Variants in TRUB1 observed in about 807,000 individuals in gnomAD.
TRUB1 encodes TruB pseudouridine synthase family member 1.
In TRUB1, 23 loss-of-function variants were observed where a neutral mutation model predicts 33.9. That is an observed-to-expected ratio of 0.68 (90% CI 0.49 to 0.96). TRUB1 has a LOEUF of 0.96. Among genes scored for constraint, TRUB1 ranks in the 40% least tolerant of loss-of-function variants. TRUB1 has a pLI of 0.00. For synonymous variants in TRUB1, 163 were observed against 165.4 expected (o/e 0.99, Z 0.11); for missense variants, 378 against 422.2 (o/e 0.90, Z 0.92).
chr10:114,940,209 C>G (rs990416470), intron 1 of TRUB1, among the ~76,000 whole-genome samples: 1 of 152,124 alleles, frequency 6.6e-6, no homozygotes, highest in Non-Finnish European at 1.5e-5. Flanking sequence ...GCAACCTTCC[C>G]CTCCTGGGTT....
chr10:114,941,788 T>A (rs2143020068), intron 1 of TRUB1, among the ~76,000 whole-genome samples: 1 of 152,198 alleles, frequency 6.6e-6, no homozygotes. Context: ...TTTGTTTATT[T>A]ATTTATTTTT....
rs982140295 is a variant in TRUB1 at position 114,977,385 on chromosome 10, G to A, written c.*2006G>A. 2.6e-5 allele frequency: 4 copies of A among 151,830 alleles called. No homozygotes were observed. The highest frequency in any genetic ancestry group is 4.4e-5 in the Non-Finnish European group (3 of 67,902). The allele number at this position is 151,830 out of a possible 1,614,324, so 9.4% of individuals were successfully genotyped here. Reference sequence around the variant, plus strand: ...ACTTTATACTCTTAATTTATTTAGAGTATTTCTCTATTGCTGAATACTTAA... The same window carrying A: ...ACTTTATACTCTTAATTTATTTAGAATATTTCTCTATTGCTGAATACTTAA... On this transcript the variant is annotated 3_prime_UTR_variant, in exon 8 of 8. Transcript: ENST00000298746.
intron 3 of TRUB1, among the ~76,000 whole-genome samples, chr10:114,952,711 G>T (rs948839918): frequency 6.6e-6 from 1 of 152,158 alleles, no homozygotes; most frequent in Non-Finnish European, 1.5e-5. Flanking sequence ...CAAAATATTG[G>T]TGTTGAAAAA....
intron 3 of TRUB1, among the ~76,000 whole-genome samples, chr10:114,952,761 A>G (rs1219355332): frequency 6.6e-6 from 1 of 152,170 alleles, no homozygotes; most frequent in Non-Finnish European, 1.5e-5. Context: ...AAGGTGTTTG[A>G]CAGTTTCTCA....
In TRUB1 at chr10:114,938,226, C is replaced by T. The variant is rs991747728; in HGVS notation, c.-28C>T. 7.5e-6 allele frequency: 12 copies of T among 1,606,862 alleles called. No individual in the cohort carries two copies. The highest frequency in any genetic ancestry group is 9.3e-6 in the Non-Finnish European group (11 of 1,178,006). On this transcript the variant is annotated 5_prime_UTR_variant, in exon 1 of 8. In the 5' UTR this introduces an upstream ATG that the reference lacks. Coordinates refer to ENST00000298746, the MANE Select transcript of TRUB1 (RefSeq NM_139169.5). Reference sequence around the variant, plus strand: ...GTTGCATCATCAGCGTGCACCTCCACGATGAAACAGGTCTGGGCTACAAAA... The same window carrying T: ...GTTGCATCATCAGCGTGCACCTCCATGATGAAACAGGTCTGGGCTACAAAA...
chr10:114,952,503 AG>A (rs1282694416), intron 3 of TRUB1, among the ~76,000 whole-genome samples: 1 of 152,184 alleles, frequency 6.6e-6, no homozygotes, highest in Non-Finnish European at 1.5e-5. Context: ...GTAGGTAGGT[AG>A]GTAGGTAGAT....
chr10:114,972,373 G>C (rs2084340973), intron 6 of TRUB1, 99 bp downstream of exon 6: 6 of 1,344,582 alleles, frequency 4.5e-6, no homozygotes, highest in African/African-American at 1.5e-5. Flanking sequence ...GGATGTTGGA[G>C]ATTTTTTAAA....
At chr10:114,944,783 A>G (rs1301922880) in intron 2 of TRUB1, among the ~76,000 whole-genome samples, 1 of 152,126 alleles carries the variant, frequency 6.6e-6, no homozygotes, top group Non-Finnish European at 1.5e-5. Context: ...CCAAGAGTCC[A>G]AGACCAGCTT....
intron 3 of TRUB1, among the ~76,000 whole-genome samples, chr10:114,955,782 A>G (rs2084259240): frequency 1.3e-5 from 2 of 152,140 alleles, no homozygotes; most frequent in African/African-American, 2.4e-5. Flanking sequence ...TCCAGTTTGT[A>G]CCTTTTCTAT....
intron 2 of TRUB1, 69 bp downstream of exon 2, chr10:114,942,812 C>A: frequency 9.8e-7 from 1 of 1,018,514 alleles, no homozygotes; most frequent in Non-Finnish European, 1.5e-6. Flanking sequence ...TGGTTGAGAA[C>A]AGATAGATTG....
chr10:114,941,188 G>A (rs564441840), intron 1 of TRUB1, among the ~76,000 whole-genome samples: 36 of 152,166 alleles, frequency 2.4e-4, no homozygotes, highest in African/African-American at 8.7e-4. Flanking sequence ...AGCAGTTCCT[G>A]CTTTTCTCTT....
At chr10:114,960,521 G>A (rs1033157069) in intron 4 of TRUB1, among the ~76,000 whole-genome samples, 1 of 151,970 alleles carries the variant, frequency 6.6e-6, no homozygotes, top group African/African-American at 2.4e-5. Context: ...CCAGCATTTG[G>A]CCCCCTTATA....
At chr10:114,942,019 C>A (rs1021179519) in intron 1 of TRUB1, among the ~76,000 whole-genome samples, 1 of 151,348 alleles carries the variant, frequency 6.6e-6, no homozygotes, top group Admixed American at 6.6e-5. Flanking sequence ...CTCCTGACCT[C>A]GTGATCCGCC....
At chr10:114,963,721 C>G (rs1327301588) in intron 4 of TRUB1, among the ~76,000 whole-genome samples, 1 of 152,140 alleles carries the variant, frequency 6.6e-6, no homozygotes, top group Non-Finnish European at 1.5e-5. Flanking sequence ...GAATTAAACA[C>G]TATGTGTCCT....
At chr10:114,949,860 C>T (rs2084226388) in intron 2 of TRUB1, among the ~76,000 whole-genome samples, 1 of 149,510 alleles carries the variant, frequency 6.7e-6, no homozygotes, top group Non-Finnish European at 1.5e-5. Flanking sequence ...CCTGTTTCCT[C>T]ATCTATCAAC....
At chr10:114,955,004 G>A (rs2143021488) in intron 3 of TRUB1, among the ~76,000 whole-genome samples, 1 of 152,162 alleles carries the variant, frequency 6.6e-6, no homozygotes, top group Admixed American at 6.5e-5. Context: ...TTAAGGGAGA[G>A]ACAGACTTTC....
intron 3 of TRUB1, among the ~76,000 whole-genome samples, chr10:114,955,642 A>G (rs1046604916): frequency 1.3e-5 from 2 of 152,136 alleles, no homozygotes; most frequent in African/African-American, 4.8e-5. Context: ...AACTTTCCCC[A>G]AGAACACAGT....
rs376693502 is a variant in TRUB1, at chr10:114,951,115, C to T, written c.407C>T (p.Thr136Ile). Residue 136 changes from threonine (T) to isoleucine (I), a missense_variant, in exon 3 of 8, where the codon ACA becomes ATA. Physicochemically the swap from Thr to Ile is moderately conservative, Grantham distance 89. Coordinates refer to ENST00000298746, the MANE Select transcript of TRUB1 (RefSeq NM_139169.5). ...GVLVVGIGSG[T>I]KMLTSMLSGS... is the part of the protein sequence containing the mutation. ...GTAGTTGTTGGAATTGGAAGCGGAA[C>T]AAAAATGTTGACCAGTATGTTGTCA... 6.2e-7 allele frequency: 1 copy of T among 1,612,134 alleles called. No homozygotes were observed. The highest frequency in any genetic ancestry group is 8.5e-7 in the Non-Finnish European group (1 of 1,178,990).
intron 2 of TRUB1, among the ~76,000 whole-genome samples, chr10:114,950,151 A>G (rs564608386): frequency 1.3e-5 from 2 of 151,894 alleles, no homozygotes; most frequent in Admixed American, 6.6e-5. Flanking sequence ...GCCCGCCTCA[A>G]CCTCCCAAAA....
Sources: allele counts gnomAD v4.1 joint callset (sites outside exome capture counted in the v4.1 genomes callset), GRCh38; gene constraint gnomAD v4.1.1; transcripts MANE v1.5; gene names NCBI Gene and HGNC (gene_info 2026-07-23, HGNC 2026-07-21).